Variants in PCDHGA5 observed in about 807,000 individuals in gnomAD.
PCDHGA5 encodes protocadherin gamma subfamily A, 5, also known as protocadherin gamma-A5.
PCDHGA5 carries 36 observed loss-of-function variants against 56.7 expected under a neutral mutation model. The ratio of observed to expected loss-of-function variants is 0.64; its 90% CI spans 0.49 to 0.84. The LOEUF (loss-of-function observed/expected upper bound fraction) is 0.84, where lower values mean the gene tolerates loss of function less well. Ranked by LOEUF, PCDHGA5 falls within the 40% of genes least tolerant of loss-of-function variation. The pLI is 0.00. For synonymous variants in PCDHGA5, 563 were observed against 520.2 expected (o/e 1.08, Z -1.12); for missense variants, 1,305 against 1,201.5 (o/e 1.09, Z -1.27).
intron 1 of PCDHGA5, chr5:141,422,304 A>G: frequency 6.5e-7 from 1 of 1,548,524 alleles, no homozygotes; most frequent in Non-Finnish European, 8.7e-7. Context: ...CAATTCTGGA[A>G]AACTCTCCTC....
At chr5:141,438,136 A>C (rs2097931548) in intron 1 of PCDHGA5, among the ~76,000 whole-genome samples, 1 of 152,186 alleles carries the variant, frequency 6.6e-6, no homozygotes, top group Non-Finnish European at 1.5e-5. Flanking sequence ...TAATGGCAAA[A>C]GATAGCCAGC....
intron 2 of PCDHGA5, among the ~76,000 whole-genome samples, chr5:141,496,347 T>C (rs1168306693): frequency 6.6e-6 from 1 of 152,198 alleles, no homozygotes; most frequent in Non-Finnish European, 1.5e-5. Context: ...TGGAGGAGTC[T>C]CAGAGCCCAG....
At position 141,415,363 on chromosome 5, in the gene PCDHGA5, C is replaced by T. The variant is rs62378454; in HGVS notation, c.2421+48612C>T. 7,186 of 1,614,240 alleles carry T rather than the reference C, an allele frequency of 4.5e-3. 30 individuals carry two copies. Among genetic ancestry groups the T allele is most frequent in the South Asian group, 5.6e-3 (509 of 91,092 alleles). Reference sequence around the variant, plus strand: ...GCGCTGGCACAAGTCACGCCTGCTGCAGGCTTCAGGAGGCGGCTTGACAGG... The same window carrying T: ...GCGCTGGCACAAGTCACGCCTGCTGTAGGCTTCAGGAGGCGGCTTGACAGG... On this transcript the variant is annotated intron_variant, in intron 1 of 3. Transcript: ENST00000518069.
At chr5:141,400,316 A>C in intron 1 of PCDHGA5, 1 of 1,614,042 alleles carries the variant, frequency 6.2e-7, no homozygotes. Flanking sequence ...CTCTGTGTCA[A>C]GTCTGGACCT....
intron 1 of PCDHGA5, chr5:141,391,956 A>G (rs1440560320): frequency 6.6e-6 from 1 of 152,246 alleles, no homozygotes; most frequent in Non-Finnish European, 1.5e-5. Flanking sequence ...AAAAATATAA[A>G]CAATGTAAAT....
Position 141,486,915 on chromosome 5 carries a change from C to G in PCDHGA5, c.2422-7892C>G. The G allele has an allele frequency of 6.2e-7, 1 of 1,614,244 alleles. No individual in the cohort carries two copies. The highest frequency in any genetic ancestry group is 8.5e-7 in the Non-Finnish European group (1 of 1,180,046). ...GGTTCCTTATGTCCCCAAGCACTGCCTCCATCAGTTGGTGCTGGCCACCTA... is the reference window on the plus strand; with the variant it reads ...GGTTCCTTATGTCCCCAAGCACTGCGTCCATCAGTTGGTGCTGGCCACCTA... On this transcript the variant is annotated intron_variant, in intron 1 of 3. Transcript: ENST00000518069. This position sits in a 1 kb window ranked among gnomAD's most constrained non-coding sequence, Gnocchi z 5.0.
rs767397479 is a variant in PCDHGA5 at position 141,430,717 on chromosome 5, T to C, written c.2421+63966T>C. On this transcript the variant is annotated intron_variant, in intron 1 of 3. Transcript: ENST00000518069. ...GCGAAGGAACTGCTCCTGACTTCAG[T>C]GGTTAAGGGCAGAATTGAAAATAAT... is the stretch of plus-strand genomic sequence containing the variant. The C allele has an allele frequency of 8.1e-6, 12 of 1,475,446 alleles. No individual in the cohort carries two copies. The East Asian group carries it at 2.4e-4, about 29-fold the overall frequency. 91.4% of individuals were successfully genotyped at this position (1,475,446 alleles called of 1,614,324 possible). A position where few individuals can be genotyped will look rare whatever the true frequency, so the allele number is the denominator to read the frequency against.
At chr5:141,418,987 A>T (rs1244429131) in intron 1 of PCDHGA5, 2 of 1,613,856 alleles carry the variant, frequency 1.2e-6, no homozygotes, top group Non-Finnish European at 1.7e-6. Flanking sequence ...ACCAAGACTC[A>T]GGGGAAAATG....
At chr5:141,494,940 AG>A (rs888721888) in intron 2 of PCDHGA5, 75 bp downstream of exon 2, 1 of 1,610,860 alleles carries the variant, frequency 6.2e-7, no homozygotes, top group Non-Finnish European at 8.5e-7. Flanking sequence ...GAGATGGGGG[AG>A]GGCCCAGCAT....
Position 141,491,944 on chromosome 5 carries a change from C to A in PCDHGA5, c.2422-2863C>A. On this transcript the variant is annotated intron_variant, in intron 1 of 3. Transcript: ENST00000518069. This position sits in a 1 kb window ranked among gnomAD's most constrained non-coding sequence, Gnocchi z 6.9. ...CGAGGGGAGGTGGGACCGACCCCCA[C>A]CCCTACACTCAAAAAAGGCCGGGGC... 2 of 1,120,270 alleles carry A rather than the reference C, an allele frequency of 1.8e-6. No individual in the cohort carries two copies. Among genetic ancestry groups the A allele is most frequent in the Non-Finnish European group, 2.4e-6 (2 of 822,060 alleles). The allele number at this position is 1,120,270 out of a possible 1,614,324, so 69.4% of individuals were successfully genotyped here.
At chr5:141,458,081 GTAAGT>G (rs2098936973) in intron 1 of PCDHGA5, among the ~76,000 whole-genome samples, 1 of 152,186 alleles carries the variant, frequency 6.6e-6, no homozygotes, top group Non-Finnish European at 1.5e-5. Context: ...CTATATTGCC[GTAAGT>G]TAAGAGTACT....
At chr5:141,408,812 G>T (rs1383299883) in intron 1 of PCDHGA5, 2 of 1,613,454 alleles carry the variant, frequency 1.2e-6, no homozygotes, top group Non-Finnish European at 8.5e-7. Context: ...AGACCGGGAA[G>T]AACAGAGATC....
Position 141,413,755 on chromosome 5 carries a change from A to T in PCDHGA5, c.2421+47004A>T, listed in dbSNP as rs199577406. On this transcript the variant is annotated intron_variant, in intron 1 of 3. Transcript: ENST00000518069. ...AGTTCAGAGCCGTGCCAATGGCGTC[A>T]AGTACCCGGAGCTGGTACTGGAGCA... 1.6e-4 allele frequency: 266 copies of T among 1,612,936 alleles called. 3 individuals carry two copies. In the South Asian group the frequency reaches 2.3e-3, roughly 14 times the overall value.
intron 1 of PCDHGA5, chr5:141,408,974 G>A (rs899313364): frequency 6.2e-7 from 1 of 1,613,808 alleles, no homozygotes; most frequent in South Asian, 1.1e-5. Context: ...TCTGCCCCCT[G>A]GGTCCCCTGT....
chr5:141,452,387 G>A (rs1052689230), intron 1 of PCDHGA5, among the ~76,000 whole-genome samples: 5 of 152,146 alleles, frequency 3.3e-5, no homozygotes, highest in African/African-American at 1.2e-4. Context: ...ATAGTATTTA[G>A]AAACTAAGAT....
chr5:141,433,064 A>T, intron 1 of PCDHGA5: 1 of 1,614,064 alleles, frequency 6.2e-7, no homozygotes, highest in Non-Finnish European at 8.5e-7. Context: ...GAGTCACCTG[A>T]TCTTCCCCCA....
chr5:141,368,755 G>A (rs557718841), intron 1 of PCDHGA5, among the ~76,000 whole-genome samples: 1 of 151,984 alleles, frequency 6.6e-6, no homozygotes, highest in Non-Finnish European at 1.5e-5. Flanking sequence ...TTAAATATCT[G>A]AATCTTTAGT....
chr5:141,476,055 GT>G lies in PCDHGA5; in HGVS notation c.2422-18749del. 6.7e-7 allele frequency: 1 copy of G among 1,503,516 alleles called. No homozygotes were observed. Among genetic ancestry groups the G allele is most frequent in the South Asian group, 1.3e-5 (1 of 75,386 alleles). The allele number at this position is 1,503,516 out of a possible 1,614,324, so 93.1% of individuals were successfully genotyped here. ...GCGCCCAAGCGCTAACCCGCTGAAA[GT>G]TTCTCAGCGAAATCTCAGGGACGAT... On this transcript the variant is annotated intron_variant, in intron 1 of 3. Transcript: ENST00000518069. The surrounding 1 kb of genome is among the most constrained non-coding windows in gnomAD (Gnocchi z 7.6).
At chr5:141,499,908 G>A (rs903753761) in intron 2 of PCDHGA5, among the ~76,000 whole-genome samples, 2 of 151,980 alleles carry the variant, frequency 1.3e-5, no homozygotes, top group African/African-American at 2.4e-5. Flanking sequence ...GGCTGGTCTT[G>A]AACTCCTGGC....
Sources: gnomAD v4.1 joint callset for allele counts (sites outside exome capture counted in the v4.1 genomes callset) on GRCh38, gnomAD v4.1.1 for gene constraint, Gnocchi (gnomAD v3.1) non-coding constraint, MANE v1.5 for transcripts, NCBI Gene and HGNC (gene_info 2026-07-23, HGNC 2026-07-21) for gene names.